SIPA1L1: variants seen among roughly 807,000 people sequenced by gnomAD.
The protein encoded by SIPA1L1 is signal induced proliferation associated 1 like 1.
A neutral mutation model predicts 162.7 loss-of-function variants in SIPA1L1; 26 were observed. That is an observed-to-expected ratio of 0.16 (90% CI 0.12 to 0.22). The LOEUF (loss-of-function observed/expected upper bound fraction) is 0.22. Ranked by LOEUF, SIPA1L1 falls within the 10% of genes least tolerant of loss-of-function variation. SIPA1L1 has a pLI of 1.00. For synonymous variants in SIPA1L1, 829 were observed against 837.4 expected, an observed-to-expected ratio of 0.99 and a Z score of 0.17; for missense variants, 1,874 against 2,241.0, an observed-to-expected ratio of 0.84 and a Z score of 3.31.
At chr14:71,448,120 A>T (rs1031694357) in intron 2 of SIPA1L1, among the ~76,000 whole-genome samples, 4 of 152,176 alleles carry the variant, frequency 2.6e-5, no homozygotes, top group Admixed American at 6.6e-5. Flanking sequence ...AGGAAACTGA[A>T]GGAACTTGTC....
In SIPA1L1 at chr14:71,616,545, A is replaced by G. The variant is rs116871764; in HGVS notation, c.1499-2212A>G. Among the ~76,000 whole-genome samples the G allele has an allele frequency of 5.6e-3, 847 of 150,594 alleles. 3 individuals are homozygous for G. Among genetic ancestry groups the G allele is most frequent in the South Asian group, 0.021 (97 of 4,652 alleles). On this transcript the variant is annotated intron_variant, in intron 5 of 23. Transcript: ENST00000381232. ...TTGAAGATAAAAAAAGAGGGTCATC[A>G]AGGTACCTGAGTCCCTAGGAAGGAG... is the stretch of plus-strand genomic sequence containing the variant.
At chr14:71,568,061 C>G (rs528958363) in intron 4 of SIPA1L1, among the ~76,000 whole-genome samples, 17 of 152,282 alleles carry the variant, frequency 1.1e-4, no homozygotes, top group Admixed American at 3.9e-4. Flanking sequence ...GTTTGGCTGG[C>G]TTCTTTATCA....
chr14:71,468,972 A>C (rs2047236661), intron 2 of SIPA1L1, among the ~76,000 whole-genome samples: 1 of 152,170 alleles, frequency 6.6e-6, no homozygotes, highest in African/African-American at 2.4e-5. Context: ...AGCTCTTATT[A>C]TACCACACTA....
intron 5 of SIPA1L1, among the ~76,000 whole-genome samples, chr14:71,597,506 A>G (rs1478677052): frequency 6.6e-6 from 1 of 152,126 alleles, no homozygotes; most frequent in Admixed American, 6.5e-5. Context: ...CTTATTGTAA[A>G]TGGCTTGGGT....
At chr14:71,584,799 A>G (rs1390328370) in intron 4 of SIPA1L1, among the ~76,000 whole-genome samples, 1 of 152,234 alleles carries the variant, frequency 6.6e-6, no homozygotes, top group Admixed American at 6.5e-5. Context: ...GAAAATTTTT[A>G]TATAGCCTGC....
At chr14:71,416,563 C>A (rs2042775645) in intron 2 of SIPA1L1, among the ~76,000 whole-genome samples, 1 of 152,004 alleles carries the variant, frequency 6.6e-6, no homozygotes, top group South Asian at 2.1e-4. Context: ...CTCAGGTCTC[C>A]TCAGGCAACA....
chr14:71,562,147 A>G lies in SIPA1L1; in HGVS notation c.-302-25424A>G, dbSNP rs193286652. 1.6e-4 allele frequency among the ~76,000 whole-genome samples: 24 copies of G among 151,932 alleles called. No individual in the cohort carries two copies. In the East Asian group the frequency reaches 3.9e-3, roughly 24 times the overall value. ...TATATATACTATATTGTCTCAATCT[A>G]TGTGCCTGATAGTGCATTAGACTCT... On this transcript the variant is annotated intron_variant, in intron 4 of 23. Coordinates refer to ENST00000381232, the MANE Select transcript of SIPA1L1 (RefSeq NM_001386936.1).
chr14:71,563,576 A>G (rs550512760), intron 4 of SIPA1L1, among the ~76,000 whole-genome samples: 1 of 152,258 alleles, frequency 6.6e-6, no homozygotes, highest in Non-Finnish European at 1.5e-5. Flanking sequence ...TGAGTGTAAC[A>G]TCTGAACTAA....
At chr14:71,419,478 C>CTTT (rs1566998826) in intron 2 of SIPA1L1, among the ~76,000 whole-genome samples, 4 of 128,210 alleles carry the variant, frequency 3.1e-5, no homozygotes, top group African/African-American at 1.2e-4. Context: ...AGGAGGATCT[C>CTTT]TCTTTTTTTT....
At position 71,709,376 on chromosome 14, in the gene SIPA1L1, T is replaced by G; in HGVS notation, c.3920T>G (p.Ile1307Ser). The G allele has an allele frequency of 6.2e-7, 1 of 1,614,206 alleles. No individual in the cohort carries two copies. Among genetic ancestry groups the G allele is most frequent in the Non-Finnish European group, 8.5e-7 (1 of 1,180,030 alleles). Reference sequence around the variant, plus strand: ...CAAGGCACCTCTGCTGACAGTGGCATTGACACCACCTCTTATGGCCCCAGC... The same window carrying G: ...CAAGGCACCTCTGCTGACAGTGGCAGTGACACCACCTCTTATGGCCCCAGC... ...YLQGTSADSG[I>S]DTTSYGPSHG... The change falls in exon 17 of 24, where the codon ATT becomes AGT. Residue 1307 changes from isoleucine to serine, a missense_variant. Ile to Ser is a moderately radical substitution (Grantham distance 142). Around this residue, in one of 5 missense-constraint regions of SIPA1L1, gnomAD observed 936 missense variants for 1,051.9 expected, o/e 0.89. Transcript: ENST00000381232.
intron 7 of SIPA1L1, among the ~76,000 whole-genome samples, chr14:71,645,384 G>A (rs896999398): frequency 3.3e-5 from 5 of 152,146 alleles, no homozygotes; most frequent in African/African-American, 1.2e-4. Context: ...GAAGTAGGTG[G>A]GTTTGAGGAG....
At position 71,480,468 on chromosome 14, in the gene SIPA1L1, AAAG is replaced by A. The variant is rs1290445271; in HGVS notation, c.-464-32268_-464-32266del. On this transcript the variant is annotated intron_variant, in intron 2 of 23. Coordinates refer to ENST00000381232, the MANE Select transcript of SIPA1L1 (RefSeq NM_001386936.1). ...CTCTTAGTCTTAAAAAAAAAAAAAAAAAGAAGAAGTCAGCCGTGCACAGTGGCT... is the reference window on the plus strand; with the variant it reads ...CTCTTAGTCTTAAAAAAAAAAAAAAAAAGAAGTCAGCCGTGCACAGTGGCT... Among the ~76,000 whole-genome samples the A allele has an allele frequency of 1.1e-4, 16 of 151,632 alleles. 1 individual carries two copies. Among genetic ancestry groups the A allele is most frequent in the Admixed American group, 3.3e-4 (5 of 15,248 alleles).
At chr14:71,462,020 G>A (rs559123043) in intron 2 of SIPA1L1, among the ~76,000 whole-genome samples, 23 of 152,262 alleles carry the variant, frequency 1.5e-4, no homozygotes, top group African/African-American at 3.9e-4. Context: ...GTGCTCGAGC[G>A]CAATCACGTA....
chr14:71,329,537 C>G (rs2140253635), intron 2 of SIPA1L1, among the ~76,000 whole-genome samples: 1 of 151,884 alleles, frequency 6.6e-6, no homozygotes, highest in African/African-American at 2.4e-5. Context: ...ACCTCCCGGG[C>G]TCAAGCAATC....
chr14:71,332,390 G>A (rs1235457512), intron 2 of SIPA1L1, among the ~76,000 whole-genome samples: 2 of 151,962 alleles, frequency 1.3e-5, no homozygotes, highest in Non-Finnish European at 1.5e-5. Context: ...TTAGTCAAAG[G>A]CCACCTGTTT....
chr14:71,448,694 G>T (rs1179132690), intron 2 of SIPA1L1: 2 of 94,006 alleles, frequency 2.1e-5, no homozygotes, highest in East Asian at 9.9e-4. Flanking sequence ...TGTAAGCCGG[G>T]TGTTGTACCT....
chr14:71,695,779 A>C (rs766088007), intron 13 of SIPA1L1, among the ~76,000 whole-genome samples: 30 of 152,212 alleles, frequency 2.0e-4, no homozygotes, highest in Admixed American at 2.0e-4. Flanking sequence ...GCAGCTATGA[A>C]GTGAAACTCT....
At chr14:71,429,821 G>C (rs958762778) in intron 2 of SIPA1L1, among the ~76,000 whole-genome samples, 8 of 152,024 alleles carry the variant, frequency 5.3e-5, no homozygotes, top group African/African-American at 1.9e-4. Flanking sequence ...TATAATATTT[G>C]GCTTTGAAGT....
chr14:71,603,574 C>T (rs2037057985), intron 5 of SIPA1L1, among the ~76,000 whole-genome samples: 1 of 152,152 alleles, frequency 6.6e-6, no homozygotes, highest in Admixed American at 6.5e-5. Flanking sequence ...ATCCTCCCAC[C>T]TCAGCCTCCT....
Sources: gnomAD v4.1 joint callset for allele counts (sites outside exome capture counted in the v4.1 genomes callset) on GRCh38, gnomAD v4.1.1 for gene constraint, gnomAD v4.1.1 regional missense constraint, MANE v1.5 for transcripts, NCBI Gene and HGNC (gene_info 2026-07-23, HGNC 2026-07-21) for gene names.